The following KCNK13 variants were observed in gnomAD, a reference collection of about 807,000 sequenced individuals.
The protein encoded by KCNK13 is potassium channel subfamily K member 13.
Under a neutral mutation model 23.4 loss-of-function variants are expected in KCNK13, and 12 were observed. The ratio of observed to expected loss-of-function variants is 0.51; its 90% CI spans 0.33 to 0.83. KCNK13 has a LOEUF of 0.83. KCNK13 is among the 40% of genes least tolerant of loss of function. KCNK13 has a pLI of 0.02. For synonymous variants in KCNK13, 231 were observed against 229.5 expected (o/e 1.01, Z -0.06); for missense variants, 463 against 556.3 (o/e 0.83, Z 1.69).
intron 1 of KCNK13, among the ~76,000 whole-genome samples, chr14:90,157,453 T>A (rs1009148518): frequency 1.3e-5 from 2 of 152,170 alleles, no homozygotes; most frequent in Non-Finnish European, 2.9e-5. Flanking sequence ...TGGAGTGCAG[T>A]GGTGCAGTCA....
At chr14:90,065,328 AAAG>A (rs537182579) in intron 1 of KCNK13, among the ~76,000 whole-genome samples, 88 of 152,338 alleles carry the variant, frequency 5.8e-4, no homozygotes, top group Non-Finnish European at 4.0e-4. Flanking sequence ...GAACCAGGGA[AAAG>A]AAGAACAGAA....
rs780792749 is a variant in KCNK13, at chr14:90,184,540, G to A, written c.764G>A (p.Gly255Asp). ...CAGAACGCCCACTATGAGAGCCAAG[G>A]CCTCTATCGCTTTGCCAACTTCGTC... ...SSQNAHYESQ[G>D]LYRFANFVFI... is the part of the protein sequence containing the mutation. The change falls in exon 2 of 2, where the codon GGC becomes GAC. Residue 255 changes from glycine to aspartate, a missense_variant. Gly to Asp is a moderately conservative substitution (Grantham distance 94). Transcript: ENST00000282146. The surrounding 1 kb of genome is among the most constrained non-coding windows in gnomAD (Gnocchi z 5.6). The A allele has an allele frequency of 1.2e-6, 2 of 1,614,250 alleles. No individual in the cohort carries two copies. The highest frequency in any genetic ancestry group is 1.1e-5 in the South Asian group (1 of 91,080).
chr14:90,169,121 T>C (rs1890337165), intron 1 of KCNK13, among the ~76,000 whole-genome samples: 1 of 152,268 alleles, frequency 6.6e-6, no homozygotes, highest in Non-Finnish European at 1.5e-5. Context: ...TCACCTTTTA[T>C]ATGCAGTATA....
At chr14:90,079,072 A>G (rs1566947579) in intron 1 of KCNK13, among the ~76,000 whole-genome samples, 1 of 152,192 alleles carries the variant, frequency 6.6e-6, no homozygotes, top group Non-Finnish European at 1.5e-5. Flanking sequence ...GCACAAAGTC[A>G]ACCAGGAGTT....
intron 1 of KCNK13, among the ~76,000 whole-genome samples, chr14:90,131,390 C>T (rs1019592515): frequency 5.3e-5 from 8 of 152,024 alleles, no homozygotes; most frequent in Non-Finnish European, 1.2e-4. Flanking sequence ...TGCCACCACA[C>T]CCAGCTAATT....
chr14:90,073,006 C>T (rs1286922), intron 1 of KCNK13, among the ~76,000 whole-genome samples: 37,054 of 152,106 alleles, frequency 0.24, 4,720 homozygotes, highest in Non-Finnish European at 0.28. Flanking sequence ...TCCTGAGGCT[C>T]CAAGAGCTTC....
chr14:90,136,080 G>C (rs559737206), intron 1 of KCNK13, among the ~76,000 whole-genome samples: 4 of 152,154 alleles, frequency 2.6e-5, no homozygotes, highest in African/African-American at 7.2e-5. Flanking sequence ...TCCAGAAATA[G>C]AGATGTGCCA....
chr14:90,158,257 C>A (rs1890216952), intron 1 of KCNK13, among the ~76,000 whole-genome samples: 1 of 152,260 alleles, frequency 6.6e-6, no homozygotes, highest in Non-Finnish European at 1.5e-5. Flanking sequence ...TCTACCCTGA[C>A]AAGACATGGC....
At chr14:90,087,819 G>A (rs1036606628) in intron 1 of KCNK13, among the ~76,000 whole-genome samples, 6 of 152,020 alleles carry the variant, frequency 3.9e-5, no homozygotes, top group African/African-American at 1.2e-4. Flanking sequence ...CAGAGTTCCC[G>A]CCCTGCTCCC....
chr14:90,151,342 G>T (rs1890132343), intron 1 of KCNK13, among the ~76,000 whole-genome samples: 1 of 152,134 alleles, frequency 6.6e-6, no homozygotes, highest in South Asian at 2.1e-4. Context: ...CAGTTGTGAG[G>T]TAATATCTCA....
chr14:90,080,143 G>A (rs2140394531), intron 1 of KCNK13, among the ~76,000 whole-genome samples: 1 of 152,104 alleles, frequency 6.6e-6, no homozygotes, highest in East Asian at 1.9e-4. Context: ...TTGGGACCTT[G>A]GAATGGAGAC....
chr14:90,153,210 A>C (rs1353236031), intron 1 of KCNK13, among the ~76,000 whole-genome samples: 4 of 152,112 alleles, frequency 2.6e-5, no homozygotes, highest in Non-Finnish European at 5.9e-5. Context: ...CCCTAGTCAG[A>C]ATTAGGTATT....
At chr14:90,064,272 T>C (rs1326665454) in intron 1 of KCNK13, among the ~76,000 whole-genome samples, 1 of 151,868 alleles carries the variant, frequency 6.6e-6, no homozygotes, top group Non-Finnish European at 1.5e-5. Context: ...TAACTTAGGG[T>C]GGTTTTGATG....
At chr14:90,077,109 G>A (rs1286914) in intron 1 of KCNK13, among the ~76,000 whole-genome samples, 31,278 of 130,954 alleles carry the variant, frequency 0.24, 3,791 homozygotes, top group Non-Finnish European at 0.28. Flanking sequence ...ATGAGCCACC[G>A]CACCTGGCTT....
At chr14:90,135,098 C>G (rs1378150463) in intron 1 of KCNK13, among the ~76,000 whole-genome samples, 2 of 152,284 alleles carry the variant, frequency 1.3e-5, no homozygotes, top group East Asian at 3.9e-4. Flanking sequence ...GCCTAGTGGC[C>G]CACTTGGGGA....
chr14:90,091,761 A>G (rs931068566), intron 1 of KCNK13, among the ~76,000 whole-genome samples: 3 of 151,954 alleles, frequency 2.0e-5, no homozygotes, highest in Non-Finnish European at 4.4e-5. Flanking sequence ...AACAGAGTCT[A>G]TGGAGAGAGT....
At chr14:90,150,174 G>A (rs1890119604) in intron 1 of KCNK13, among the ~76,000 whole-genome samples, 2 of 152,206 alleles carry the variant, frequency 1.3e-5, no homozygotes, top group Admixed American at 1.3e-4. Context: ...AGAAGGGAGT[G>A]GAAAACTGAA....
intron 1 of KCNK13, among the ~76,000 whole-genome samples, chr14:90,135,600 G>A (rs1889926811): frequency 6.6e-6 from 1 of 152,160 alleles, no homozygotes; most frequent in African/African-American, 2.4e-5. Flanking sequence ...GAGAGAAGAT[G>A]GCCTGTAATG....
At chr14:90,110,167 G>A (rs1254918184) in intron 1 of KCNK13, among the ~76,000 whole-genome samples, 1 of 152,152 alleles carries the variant, frequency 6.6e-6, no homozygotes, top group Admixed American at 6.5e-5. Context: ...GGAACCCAGA[G>A]GTGTGCTACT....
Sources: allele counts gnomAD v4.1 joint callset (sites outside exome capture counted in the v4.1 genomes callset), GRCh38; gene constraint gnomAD v4.1.1; non-coding constraint Gnocchi (gnomAD v3.1); transcripts MANE v1.5; gene names NCBI Gene and HGNC (gene_info 2026-07-23, HGNC 2026-07-21).